DPH1: variants seen among roughly 807,000 people sequenced by gnomAD.
DPH1 encodes 2-(3-amino-3-carboxypropyl)histidine synthase subunit 1.
Under a neutral mutation model 55.3 loss-of-function variants are expected in DPH1, and 59 were observed. The ratio of observed to expected loss-of-function variants is 1.07; its 90% CI spans 0.87 to 1.33. The LOEUF is 1.33. Among genes scored for constraint, DPH1 ranks in the 40% most tolerant of loss-of-function variants. The probability of loss-of-function intolerance (pLI) is 0.00; values close to 1 mark genes in which losing one functional copy is unlikely to be tolerated. For missense variants in DPH1, 628 were observed against 584.8 expected, an observed-to-expected ratio of 1.07 and a Z score of -0.76; for synonymous variants, 238 against 235.5, an observed-to-expected ratio of 1.01 and a Z score of -0.10.
At chr17:2,041,642 G>C in intron 11 of DPH1, 21 bp downstream of exon 11, 1 of 1,598,378 alleles carries the variant, frequency 6.3e-7, no homozygotes, top group Non-Finnish European at 8.5e-7. Context: ...GCTTCCAGGA[G>C]GGAGGAGAGA....
chr17:2,041,385 G>A (rs1361403898), intron 10 of DPH1, 96 bp from the exon 11 acceptor site: 9 of 1,523,188 alleles, frequency 5.9e-6, no homozygotes, highest in Non-Finnish European at 8.0e-6. Flanking sequence ...GCAGGGGACA[G>A]TGTGCCCTTC....
At chr17:2,039,662 C>G (rs2067482478) in intron 6 of DPH1, 93 bp from the exon 7 acceptor site, 1 of 1,516,150 alleles carries the variant, frequency 6.6e-7, no homozygotes, top group Non-Finnish European at 9.1e-7. Flanking sequence ...CAGGCGTGAG[C>G]CACCGCGCCC....
intron 1 of DPH1, among the ~76,000 whole-genome samples, chr17:2,030,736 C>G (rs1005295257): frequency 6.6e-6 from 1 of 152,220 alleles, no homozygotes; most frequent in African/African-American, 2.4e-5. Flanking sequence ...GAGGTGCCTA[C>G]TGGTCCCTGG....
Position 2,033,561 on chromosome 17 carries a change from C to A in DPH1, c.118C>A (p.Pro40Thr). Residue 40 changes from proline (P) to threonine (T), a missense_variant, in exon 2 of 13, where the codon CCT (proline) becomes ACT (threonine). Coordinates refer to ENST00000263083, the MANE Select transcript of DPH1 (RefSeq NM_001383.6). ...GATCCCCCCTGAGATCCTGAAGAAC[C>A]CTCAGCTGCAGGCAGCAATCCGGGT... Reference protein sequence around the residue: ...NQIPPEILKNPQLQAAIRVLP... With the variant: ...NQIPPEILKNTQLQAAIRVLP... 6.2e-7 allele frequency: 1 copy of A among 1,614,214 alleles called. No individual in the cohort carries two copies. The highest frequency in any genetic ancestry group is 1.1e-5 in the South Asian group (1 of 91,082).
At position 2,036,462 on chromosome 17, in the gene DPH1, T is replaced by C; in HGVS notation, c.401-67T>C. ...CACTGCGCCTGGCTGCTCAGAGACC[T>C]GAGCCTGGCCGGGCCCTCTGCTGCT... On this transcript the variant is annotated intron_variant, in intron 4 of 12. Transcript: ENST00000263083. The surrounding 1 kb of genome is among the most constrained non-coding windows in gnomAD (Gnocchi z 4.8). 6.3e-7 allele frequency: 1 copy of C among 1,589,264 alleles called. No homozygotes were observed. Among genetic ancestry groups the C allele is most frequent in the Admixed American group, 1.7e-5 (1 of 59,144 alleles).
Position 2,041,459 on chromosome 17 carries a change from GTCCC to G in DPH1, c.1087-13_1087-10del. The G allele has an allele frequency of 6.3e-7, 1 of 1,585,910 alleles. No homozygotes were observed. Among genetic ancestry groups the G allele is most frequent in the South Asian group, 1.1e-5 (1 of 87,540 alleles). ...CAGAAAAACACTGGCAGATGTTATT[GTCCC>G]TCCCTCCCCTCCCCTAGGCGGCCGT... On this transcript the variant is annotated intron_variant, in intron 10 of 12. Coordinates refer to ENST00000263083, the MANE Select transcript of DPH1 (RefSeq NM_001383.6).
Position 2,043,300 on chromosome 17 carries a change from A to C in DPH1, c.*714A>C, listed in dbSNP as rs1200675835. On this transcript the variant is annotated 3_prime_UTR_variant, in exon 13 of 13. Coordinates refer to ENST00000263083, the MANE Select transcript of DPH1 (RefSeq NM_001383.6). ...GAAGAAAAGGGGAGCACAAGGCCTT[A>C]ATGGACATTGACTTGTGAAAACGCA... The C allele has an allele frequency of 3.1e-6, 2 of 644,522 alleles. No individual in the cohort carries two copies. The highest frequency in any genetic ancestry group is 3.2e-5 in the Admixed American group (1 of 31,724). The allele number at this position is 644,522 out of a possible 1,614,324, so 39.9% of individuals were successfully genotyped here.
intron 12 of DPH1, chr17:2,042,077 G>A: frequency 3.2e-6 from 5 of 1,563,086 alleles, no homozygotes; most frequent in Non-Finnish European, 4.3e-6. Flanking sequence ...TGCGGGTCCT[G>A]TGCCTGGCGG....
At chr17:2,030,926 C>T (rs2067322951) in intron 1 of DPH1, among the ~76,000 whole-genome samples, 1 of 152,178 alleles carries the variant, frequency 6.6e-6, no homozygotes, top group African/African-American at 2.4e-5. Flanking sequence ...CCCCAGCCTC[C>T]GCTGGACCAT....
At position 2,036,400 on chromosome 17, in the gene DPH1, C is replaced by T. The variant is rs1247242247; in HGVS notation, c.401-129C>T. 3.1e-6 allele frequency: 4 copies of T among 1,270,112 alleles called. No individual in the cohort carries two copies. Among genetic ancestry groups the T allele is most frequent in the Non-Finnish European group, 4.4e-6 (4 of 912,884 alleles). The allele number at this position is 1,270,112 out of a possible 1,614,324, so 78.7% of individuals were successfully genotyped here. On this transcript the variant is annotated intron_variant, in intron 4 of 12. Coordinates refer to ENST00000263083, the MANE Select transcript of DPH1 (RefSeq NM_001383.6). This position sits in a 1 kb window ranked among gnomAD's most constrained non-coding sequence, Gnocchi z 4.8. The stretch of plus-strand genomic sequence containing the variant: ...CTTCTAGGGGATCTGTGACCCCCCT[C>T]TTCTCCTACCCTGTCCTTTTACCCC...
At chr17:2,033,688 G>T (rs2067362928) in intron 2 of DPH1, 31 bp downstream of exon 2, 1 of 1,613,594 alleles carries the variant, frequency 6.2e-7, no homozygotes, top group African/African-American at 1.3e-5. Flanking sequence ...CTGGGGTTGG[G>T]GTGGAGAGGT....
intron 12 of DPH1, 139 bp downstream of exon 12, chr17:2,042,014 C>A: frequency 6.7e-7 from 1 of 1,493,362 alleles, no homozygotes; most frequent in East Asian, 2.5e-5. Flanking sequence ...GGAAAGACCG[C>A]TTCCGGTGCT....
In DPH1 at chr17:2,042,924, A is replaced by T. The variant is rs759346839; in HGVS notation, c.*338A>T. The T allele has an allele frequency of 6.2e-7, 1 of 1,614,072 alleles. No homozygotes were observed. The highest frequency in any genetic ancestry group is 1.1e-5 in the South Asian group (1 of 91,078). ...AATCCATCCTGCAAAGGCCCTTGTC[A>T]TTGCCTTCGCTCCATGTTTTTGGGG... is the stretch of plus-strand genomic sequence containing the variant. On this transcript the variant is annotated 3_prime_UTR_variant, in exon 13 of 13. Coordinates refer to ENST00000263083, the MANE Select transcript of DPH1 (RefSeq NM_001383.6).
chr17:2,035,819 CTTTG>C, intron 3 of DPH1, 147 bp from the exon 4 acceptor site: 1 of 1,266,116 alleles, frequency 7.9e-7, no homozygotes, highest in Non-Finnish European at 1.1e-6. Flanking sequence ...CCCTCCTAAT[CTTTG>C]TTGGCAGAAG....
intron 7 of DPH1, 108 bp from the exon 8 acceptor site, chr17:2,040,110 G>T: frequency 1.4e-6 from 2 of 1,454,688 alleles, no homozygotes; most frequent in Non-Finnish European, 1.9e-6. Context: ...TTAATTACCT[G>T]CGTGGGGCCT....
chr17:2,035,982 C>T lies in DPH1; in HGVS notation c.291C>T (p.Ala97=), dbSNP rs201162854. ...CCTGTGCCCGCAGGTTCACGGAGGC[C>T]GAAGTGATGGTGATGGGTGACGTGA... ...IVDILERFTE[A]EVMVMGDVTY... is the part of the protein sequence containing the mutation. The change falls in exon 4 of 13, where the codon GCC becomes GCT. Residue 97 remains alanine, a synonymous_variant. Transcript: ENST00000263083. The T allele has an allele frequency of 2.6e-5, 42 of 1,613,708 alleles. No homozygotes were observed. Among genetic ancestry groups the T allele is most frequent in the African/African-American group, 4.0e-5 (3 of 74,836 alleles).
At chr17:2,040,416 G>A (rs1022556206) in intron 8 of DPH1, 42 bp downstream of exon 8, 2 of 1,613,280 alleles carry the variant, frequency 1.2e-6, no homozygotes, top group Non-Finnish European at 1.7e-6. Flanking sequence ...GGAAGTGACT[G>A]GGAACACAGC....
At chr17:2,037,419 T>C (rs3803806) in intron 6 of DPH1, 59,250 of 155,882 alleles carry the variant, frequency 0.38, 11,460 homozygotes, top group Admixed American at 0.42. Context: ...GGGAAGGGAG[T>C]CCCGTTCCGT....
intron 12 of DPH1, chr17:2,042,309 C>T (rs1020590359): frequency 7.2e-7 from 1 of 1,393,774 alleles, no homozygotes; most frequent in Non-Finnish European, 9.3e-7. Flanking sequence ...TTCAGCATCC[C>T]CCACCCTGCG....
Sources: allele counts gnomAD v4.1 joint callset (sites outside exome capture counted in the v4.1 genomes callset), GRCh38; gene constraint gnomAD v4.1.1; non-coding constraint Gnocchi (gnomAD v3.1); transcripts MANE v1.5; gene names NCBI Gene and HGNC (gene_info 2026-07-23, HGNC 2026-07-21).